Variants in CEP76 observed in about 807,000 individuals in gnomAD.
CEP76 encodes the protein centrosomal protein of 76 kDa.
CEP76 carries 55 observed loss-of-function variants against 83.3 expected under a neutral mutation model. The ratio of observed to expected loss-of-function variants is 0.66; its 90% CI spans 0.53 to 0.83. The LOEUF (loss-of-function observed/expected upper bound fraction) is 0.83. Among genes scored for constraint, CEP76 ranks in the 40% least tolerant of loss-of-function variants. The pLI is 0.00. For synonymous variants in CEP76, 270 were observed against 274.5 expected (o/e 0.98, Z 0.16); for missense variants, 694 against 799.5 (o/e 0.87, Z 1.59).
chr18:12,698,328 G>A (rs111448774), intron 4 of CEP76, among the ~76,000 whole-genome samples: 2 of 151,896 alleles, frequency 1.3e-5, no homozygotes, highest in African/African-American at 2.4e-5. Flanking sequence ...CACCATGCCC[G>A]GCTAGAAATT....
chr18:12,701,758 T>C (rs376270277), intron 1 of CEP76, among the ~76,000 whole-genome samples: 10 of 152,334 alleles, frequency 6.6e-5, no homozygotes, highest in African/African-American at 2.4e-4. Context: ...GTAACTTCTC[T>C]TCCATGACTT....
intron 6 of CEP76, among the ~76,000 whole-genome samples, chr18:12,691,976 C>T (rs373985061): frequency 9.7e-4 from 148 of 152,190 alleles, no homozygotes; most frequent in Non-Finnish European, 1.6e-3. Flanking sequence ...GCCTTGGCCT[C>T]CCAAAGTGCT....
At chr18:12,684,024 T>C (rs1243876126) in intron 8 of CEP76, among the ~76,000 whole-genome samples, 1 of 150,606 alleles carries the variant, frequency 6.6e-6, no homozygotes, top group African/African-American at 2.4e-5. Context: ...TGATATCATA[T>C]ATATATGTAT....
rs554786954 is a variant in CEP76, at chr18:12,690,078, C to A, written c.933+1281G>T. Reference sequence around the variant, plus strand: ...TGCTGGGATTACAGGCGTGAGCCACCGCGCCCGGCCAGGAAGCCAGTTACA... The same window carrying A: ...TGCTGGGATTACAGGCGTGAGCCACAGCGCCCGGCCAGGAAGCCAGTTACA... On this transcript the variant is annotated intron_variant, in intron 7 of 11. Coordinates refer to ENST00000262127, the MANE Select transcript of CEP76 (RefSeq NM_024899.4). 2.2e-4 allele frequency among the ~76,000 whole-genome samples: 31 copies of A among 141,162 alleles called. 1 individual carries two copies. The South Asian group carries it at 5.4e-3, about 24-fold the overall frequency. The allele number at this position is 141,162 out of a possible 152,430, so 92.6% of individuals were successfully genotyped here.
At chr18:12,690,718 G>C (rs970954590) in intron 7 of CEP76, among the ~76,000 whole-genome samples, 3 of 152,124 alleles carry the variant, frequency 2.0e-5, no homozygotes, top group South Asian at 2.1e-4. Flanking sequence ...GCCTCCCCAA[G>C]TGCTGGGATT....
chr18:12,683,856 A>G (rs995254064), intron 8 of CEP76, among the ~76,000 whole-genome samples: 1 of 152,088 alleles, frequency 6.6e-6, no homozygotes, highest in African/African-American at 2.4e-5. Flanking sequence ...ATTTACAATT[A>G]TAATTATGAA....
chr18:12,685,549 T>C (rs1179295892), intron 8 of CEP76: 2 of 152,138 alleles, frequency 1.3e-5, no homozygotes, highest in Non-Finnish European at 2.9e-5. Context: ...GGTTCTGACG[T>C]GGTCAAGCTG....
chr18:12,702,756 C>G (rs574117627), upstream of CEP76: 414 of 594,498 alleles, frequency 7.0e-4, no homozygotes, highest in Non-Finnish European at 1.0e-3. Flanking sequence ...CAACTGTTTT[C>G]AAACAGTGGC....
At position 12,691,399 on chromosome 18, in the gene CEP76, C is replaced by A; in HGVS notation, c.893G>T (p.Arg298Leu). ...AACCAGTCGTGAGTTGTGTGAGGGT[C>A]GAATTTGCAAATATTCTCTCCACCA... ...KQWWREYLQI[R>L]PSHNSRLVKI... Residue 298 changes from arginine (R) to leucine (L), a missense_variant, in exon 7 of 12, where the codon CGA (arginine) becomes CTA (leucine). By Grantham distance (102) the Arg-to-Leu change is moderately radical. Coordinates refer to ENST00000262127, the MANE Select transcript of CEP76 (RefSeq NM_024899.4). 1 of 1,607,430 alleles carries A rather than the reference C, an allele frequency of 6.2e-7. No homozygotes were observed. Among genetic ancestry groups the A allele is most frequent in the Non-Finnish European group, 8.5e-7 (1 of 1,176,460 alleles).
At chr18:12,680,329 C>G (rs975404047) in intron 9 of CEP76, among the ~76,000 whole-genome samples, 1 of 152,138 alleles carries the variant, frequency 6.6e-6, no homozygotes, top group African/African-American at 2.4e-5. Flanking sequence ...GACACAGTGG[C>G]TCACGCCTGT....
Position 12,698,999 on chromosome 18 carries a change from T to C in CEP76, c.500A>G (p.Glu167Gly). Residue 167 changes from glutamate to glycine, a missense_variant, in exon 4 of 12, where the codon GAA (glutamate) becomes GGA (glycine). Physicochemically the swap from Glu to Gly is moderately conservative, Grantham distance 98. Coordinates refer to ENST00000262127, the MANE Select transcript of CEP76 (RefSeq NM_024899.4). ...EPDFHDGFLL[E>G]VHRESLGDGT... ...CTTACCCAAGCTTTCTCTGTGTACT[T>C]CAAGTAAAAAGCCATCATGAAAATC... 6.2e-7 allele frequency: 1 copy of C among 1,612,632 alleles called. No individual in the cohort carries two copies. The highest frequency in any genetic ancestry group is 1.7e-5 in the Admixed American group (1 of 59,950).
chr18:12,673,215 A>T lies in CEP76; in HGVS notation c.*150T>A. 7.4e-7 allele frequency: 1 copy of T among 1,351,868 alleles called. No individual in the cohort carries two copies. Among genetic ancestry groups the T allele is most frequent in the South Asian group, 2.2e-5 (1 of 44,470 alleles). The allele number at this position is 1,351,868 out of a possible 1,614,324, so 83.7% of individuals were successfully genotyped here. A position where few individuals can be genotyped will look rare whatever the true frequency, so the allele number is the denominator to read the frequency against. On this transcript the variant is annotated 3_prime_UTR_variant, in exon 12 of 12. Coordinates refer to ENST00000262127, the MANE Select transcript of CEP76 (RefSeq NM_024899.4). Reference sequence around the variant, plus strand: ...TTTAAAGGAATGCATGATTTTTTTTAAACATTACCAGTCAAGTATATACAA... The same window carrying T: ...TTTAAAGGAATGCATGATTTTTTTTTAACATTACCAGTCAAGTATATACAA...
At chr18:12,668,087 AGACCCTGTCCCTAC>A (rs2038842114), downstream of CEP76, among the ~76,000 whole-genome samples, 1 of 152,080 alleles carries the variant, frequency 6.6e-6, no homozygotes, top group African/African-American at 2.4e-5. Context: ...CAACATGGTG[AGACCCTGTCCCTAC>A]GAAAAATACA....
At chr18:12,668,569 G>C (rs1598606808), downstream of CEP76, among the ~76,000 whole-genome samples, 1 of 120,832 alleles carries the variant, frequency 8.3e-6, no homozygotes, top group East Asian at 2.8e-4. Context: ...CTGCACTCCA[G>C]CCTGGGAGAC....
chr18:12,686,145 TGGGTACA>T, intron 8 of CEP76, 110 bp downstream of exon 8: 1 of 682,834 alleles, frequency 1.5e-6, no homozygotes, highest in Non-Finnish European at 2.3e-6. Flanking sequence ...ACAGAACCTG[TGGGTACA>T]GAGGGTTGAC....
chr18:12,694,530 G>C (rs113911519), intron 6 of CEP76, among the ~76,000 whole-genome samples: 2,220 of 152,178 alleles, frequency 0.015, 64 homozygotes, highest in African/African-American at 0.051. Context: ...AGTGGAATTA[G>C]GGAAAAAAGC....
Position 12,674,673 on chromosome 18 carries a change from A to G in CEP76, c.1704T>C (p.Arg568=). 6.2e-7 allele frequency: 1 copy of G among 1,614,106 alleles called. No individual in the cohort carries two copies. Among genetic ancestry groups the G allele is most frequent in the Non-Finnish European group, 8.5e-7 (1 of 1,180,012 alleles). ...SPALASYEFE[R]TTSISAGNEE... ...CATTGCCTGCTGATATACTTGTTGT[A>G]CGCTCAAATTCATAAGAAGCCAAAG... The change falls in exon 11 of 12, where the codon CGT becomes CGC. Residue 568 remains arginine, a synonymous_variant. Coordinates refer to ENST00000262127, the MANE Select transcript of CEP76 (RefSeq NM_024899.4).
At chr18:12,666,444 T>TG (rs2038804999) in intron 12 of CEP76, among the ~76,000 whole-genome samples, 1 of 149,284 alleles carries the variant, frequency 6.7e-6, no homozygotes, top group Non-Finnish European at 1.5e-5. Context: ...TGGTTTTTTT[T>TG]TTTTTTTTTT....
intron 4 of CEP76, among the ~76,000 whole-genome samples, chr18:12,698,094 TAAG>T (rs575099393): frequency 6.6e-6 from 1 of 151,238 alleles, no homozygotes; most frequent in African/African-American, 2.4e-5. Flanking sequence ...ATTGGAGAAA[TAAG>T]AAAAAAAAGA....
Sources: allele counts gnomAD v4.1 joint callset (sites outside exome capture counted in the v4.1 genomes callset), GRCh38; gene constraint gnomAD v4.1.1; transcripts MANE v1.5; gene names NCBI Gene and HGNC (gene_info 2026-07-23, HGNC 2026-07-21).